LINGO2: variants seen among roughly 807,000 people sequenced by gnomAD.
LINGO2 encodes leucine rich repeat and Ig domain containing 2.
LINGO2 carries 14 observed loss-of-function variants against 30.6 expected under a neutral mutation model. That is an observed-to-expected ratio of 0.46 (90% confidence interval 0.30 to 0.72). The LOEUF is 0.72. Among genes scored for constraint, LINGO2 ranks in the 30% least tolerant of loss-of-function variants. The pLI, the probability that LINGO2 is intolerant of heterozygous loss-of-function variation, is 0.07. For synonymous variants in LINGO2, 317 were observed against 288.5 expected (o/e 1.10, Z -1.00); for missense variants, 729 against 751.7 (o/e 0.97, Z 0.35).
At chr9:28,158,982 G>T (rs1195933957) in intron 4 of LINGO2, among the ~76,000 whole-genome samples, 1 of 152,172 alleles carries the variant, frequency 6.6e-6, no homozygotes, top group Non-Finnish European at 1.5e-5. Flanking sequence ...AGAAAACTTA[G>T]AGTAGAACAA....
At chr9:28,698,702 A>C in the LINGO2 span, among the ~76,000 whole-genome samples, 1 of 151,960 alleles carries the variant, frequency 6.6e-6, no homozygotes, top group African/African-American at 2.4e-5. Flanking sequence ...GAGAGTTCTC[A>C]CATACCCCTT....
chr9:29,111,472 TG>T, the LINGO2 span, among the ~76,000 whole-genome samples: 1 of 151,966 alleles, frequency 6.6e-6, no homozygotes, highest in African/African-American at 2.4e-5. Context: ...TAAGCTAGTT[TG>T]AAATATATAT....
At chr9:28,166,466 G>T (rs1828429632) in intron 4 of LINGO2, among the ~76,000 whole-genome samples, 1 of 152,326 alleles carries the variant, frequency 6.6e-6, no homozygotes, top group Admixed American at 6.5e-5. Context: ...TCACTGGAGG[G>T]ATGATCTTTT....
chr9:28,794,811 A>AT, the LINGO2 span, among the ~76,000 whole-genome samples: 7 of 150,692 alleles, frequency 4.6e-5, no homozygotes, highest in South Asian at 2.1e-4. Flanking sequence ...GGAATTATAA[A>AT]TTTTTTTTCT....
At chr9:28,841,971 A>C in the LINGO2 span, among the ~76,000 whole-genome samples, 6,558 of 151,874 alleles carry the variant, frequency 0.043, 230 homozygotes, top group Admixed American at 0.084. Flanking sequence ...CTATTGAATC[A>C]TGTGTCTTGT....
chr9:28,110,386 T>C (rs145337785), intron 4 of LINGO2, among the ~76,000 whole-genome samples: 2,091 of 152,148 alleles, frequency 0.014, 55 homozygotes, highest in African/African-American at 0.049. Context: ...AAGCCAAAAT[T>C]GACAAATGGG....
At chr9:28,308,842 C>G (rs1824484228) in intron 3 of LINGO2, among the ~76,000 whole-genome samples, 1 of 152,198 alleles carries the variant, frequency 6.6e-6, no homozygotes, top group Non-Finnish European at 1.5e-5. Context: ...TGCTCACCAT[C>G]ACTGGCCATC....
chr9:28,917,183 G>C, the LINGO2 span, among the ~76,000 whole-genome samples: 4 of 152,076 alleles, frequency 2.6e-5, no homozygotes, highest in African/African-American at 9.7e-5. Flanking sequence ...TGAGAAGTGG[G>C]AAACTATATC....
the LINGO2 span, among the ~76,000 whole-genome samples, chr9:29,114,630 C>T: frequency 4.7e-4 from 68 of 146,200 alleles, no homozygotes; most frequent in Non-Finnish European, 8.8e-4. Context: ...TCAATTCCCA[C>T]CTATGAGTGA....
At chr9:28,542,149 G>A (rs759089467) in intron 1 of LINGO2, among the ~76,000 whole-genome samples, 3 of 152,242 alleles carry the variant, frequency 2.0e-5, no homozygotes, top group Non-Finnish European at 2.9e-5. Flanking sequence ...ACTCTGCAGT[G>A]GATATTACCT....
intron 2 of LINGO2, among the ~76,000 whole-genome samples, chr9:28,425,319 A>ATG (rs1190768793): frequency 7.7e-4 from 83 of 107,862 alleles, no homozygotes; most frequent in Admixed American, 1.2e-3. Context: ...CACAGTATAT[A>ATG]TGTGTGTGTG....
chr9:28,986,662 T>C, the LINGO2 span, among the ~76,000 whole-genome samples: 401 of 152,104 alleles, frequency 2.6e-3, 1 homozygote, highest in African/African-American at 9.0e-3. Context: ...ATAAACCCAT[T>C]GTTAATTGAA....
intron 4 of LINGO2, among the ~76,000 whole-genome samples, chr9:28,014,350 TA>T (rs1179014389): frequency 1.3e-5 from 2 of 152,230 alleles, no homozygotes; most frequent in African/African-American, 4.8e-5. Flanking sequence ...ATTGTTCTGA[TA>T]ATTCACTGAT....
chr9:28,624,279 T>C (rs1167616673), intron 1 of LINGO2, among the ~76,000 whole-genome samples: 1 of 152,142 alleles, frequency 6.6e-6, no homozygotes, highest in African/African-American at 2.4e-5. Context: ...TTTTAGTTTT[T>C]ACCCATTCAG....
chr9:29,001,860 A>G, the LINGO2 span, among the ~76,000 whole-genome samples: 6 of 151,758 alleles, frequency 4.0e-5, no homozygotes, highest in Non-Finnish European at 8.8e-5. Flanking sequence ...TAGCAAATAC[A>G]TTTTCCCCAC....
At chr9:28,573,574 C>A (rs949677762) in intron 1 of LINGO2, among the ~76,000 whole-genome samples, 2 of 152,098 alleles carry the variant, frequency 1.3e-5, no homozygotes, top group African/African-American at 4.8e-5. Context: ...TTCCCGAACA[C>A]TATATAGTAT....
In LINGO2 at chr9:28,020,723, A is replaced by G. The variant is rs147097353; in HGVS notation, c.-86-8318T>C. Among the ~76,000 whole-genome samples the G allele has an allele frequency of 7.9e-5, 12 of 152,274 alleles. No individual in the cohort carries two copies. The East Asian group carries it at 2.3e-3, about 29-fold the overall frequency. The stretch of plus-strand genomic sequence containing the variant: ...ATTATTGATTCAACATCTTAAACAG[A>G]GGTAAGCCTATTCAGATTGTATCAA... On this transcript the variant is annotated intron_variant, in intron 4 of 5. Coordinates refer to ENST00000379992, the Ensembl canonical transcript of LINGO2.
At chr9:28,526,369 A>C (rs1821038959) in intron 1 of LINGO2, among the ~76,000 whole-genome samples, 1 of 152,168 alleles carries the variant, frequency 6.6e-6, no homozygotes, top group Admixed American at 6.5e-5. Flanking sequence ...AATGCCATAA[A>C]AGAGCAAAGC....
chr9:28,428,680 GGTGGGTTCAGACGTAGTTGCT>G (rs1435149519), intron 2 of LINGO2, among the ~76,000 whole-genome samples: 1 of 152,072 alleles, frequency 6.6e-6, no homozygotes, highest in Non-Finnish European at 1.5e-5. Context: ...TCAGTATCAT[GGTGGGTTCAGACGTAGTTGCT>G]GCTGGTTATA....
Sources: allele counts gnomAD v4.1 joint callset (sites outside exome capture counted in the v4.1 genomes callset), GRCh38; gene constraint gnomAD v4.1.1; transcripts MANE v1.5; gene names NCBI Gene and HGNC (gene_info 2026-07-23, HGNC 2026-07-21).